Variants in PTPN13 observed in about 807,000 individuals in gnomAD.
The protein encoded by PTPN13 is protein tyrosine phosphatase non-receptor type 13, also known as tyrosine-protein phosphatase non-receptor type 13.
A neutral mutation model predicts 284.0 loss-of-function variants in PTPN13; 191 were observed. The ratio of observed to expected loss-of-function variants is 0.67; its 90% CI spans 0.60 to 0.76. PTPN13 has a LOEUF of 0.76. Ranked by LOEUF, PTPN13 falls within the 30% of genes least tolerant of loss-of-function variation. The pLI is 0.00. For synonymous variants in PTPN13, 986 were observed against 1,022.3 expected (o/e 0.96, Z 0.68); for missense variants, 2,797 against 2,939.9 (o/e 0.95, Z 1.12).
chr4:86,761,716 A>C (rs900850631), intron 23 of PTPN13, among the ~76,000 whole-genome samples: 1 of 152,174 alleles, frequency 6.6e-6, no homozygotes, highest in Non-Finnish European at 1.5e-5. Context: ...TTTCCAGTCT[A>C]CATATCCCTT....
At chr4:86,754,393 A>T (rs1737743308) in intron 20 of PTPN13, among the ~76,000 whole-genome samples, 2 of 152,190 alleles carry the variant, frequency 1.3e-5, no homozygotes, top group Non-Finnish European at 2.9e-5. Flanking sequence ...ATTGACTAAC[A>T]GTTATTTAGT....
At chr4:86,668,114 T>A (rs1297853111) in intron 2 of PTPN13, among the ~76,000 whole-genome samples, 7 of 152,208 alleles carry the variant, frequency 4.6e-5, no homozygotes, top group Non-Finnish European at 1.0e-4. Flanking sequence ...TTCTGTGGAA[T>A]GTTGGTAAAA....
At chr4:86,780,317 T>C in intron 35 of PTPN13, 85 bp from the exon 36 acceptor site, 1 of 1,124,642 alleles carries the variant, frequency 8.9e-7, no homozygotes, top group Non-Finnish European at 1.3e-6. Flanking sequence ...GGAGCATTGC[T>C]TGAGGCCAGG....
At chr4:86,722,870 T>G in intron 10 of PTPN13, among the ~76,000 whole-genome samples, 1 of 152,202 alleles carries the variant, frequency 6.6e-6, no homozygotes, top group East Asian at 1.9e-4. Context: ...TCTCAGAATT[T>G]TAGTAATAAT....
intron 46 of PTPN13, 29 bp from the exon 47 acceptor site, chr4:86,811,017 T>A: frequency 6.3e-7 from 1 of 1,598,028 alleles, no homozygotes; most frequent in Non-Finnish European, 8.6e-7. Flanking sequence ...ATCCTTTGAA[T>A]CTAACACATA....
At position 86,769,953 on chromosome 4, in the gene PTPN13, T is replaced by C; in HGVS notation, c.4674T>C (p.Asn1558=). The C allele has an allele frequency of 6.2e-7, 1 of 1,613,974 alleles. No individual in the cohort carries two copies. The highest frequency in any genetic ancestry group is 8.5e-7 in the Non-Finnish European group (1 of 1,179,882). ...TAGGAGATGTTATCTTGAAAGTGAA[T>C]GGAGCCTCTTTGAAAGGACTATCTC... The part of the protein sequence containing the change: ...IDVGDVILKV[N]GASLKGLSQQ... The change falls in exon 29 of 48, where the codon AAT becomes AAC. Residue 1558 remains asparagine, a synonymous_variant. Transcript: ENST00000411767.
Position 86,771,668 on chromosome 4 carries a change from T to C in PTPN13, c.5168+133T>C, listed in dbSNP as rs1391207434. The C allele has an allele frequency of 3.5e-5, 34 of 982,396 alleles. No individual in the cohort carries two copies. The East Asian group carries it at 8.2e-4, about 24-fold the overall frequency. The allele number at this position is 982,396 out of a possible 1,614,324, so 60.9% of individuals were successfully genotyped here. On this transcript the variant is annotated intron_variant, in intron 31 of 47. Coordinates refer to ENST00000411767, the MANE Select transcript of PTPN13 (RefSeq NM_080683.3). ...ACAGTGGTTAGGCAGAGGATGACTC[T>C]ATTGGATGTCTAGCTATTGTGACTG...
At chr4:86,796,772 A>T (rs2149353430) in intron 40 of PTPN13, 102 bp from the exon 41 acceptor site, 2 of 735,410 alleles carry the variant, frequency 2.7e-6, no homozygotes, top group South Asian at 3.7e-5. Context: ...TATAAGGATG[A>T]ACAATAACAG....
chr4:86,764,839 C>T (rs903531094), intron 25 of PTPN13, 115 bp downstream of exon 25: 63 of 1,172,766 alleles, frequency 5.4e-5, no homozygotes, highest in Non-Finnish European at 6.9e-5. Context: ...CAAATACCTC[C>T]AAAATTCTAA....
At position 86,814,499 on chromosome 4, in the gene PTPN13, C is replaced by T. The variant is rs557596070; in HGVS notation, c.7406C>T (p.Thr2469Ile). Residue 2469 changes from threonine (T) to isoleucine (I), a missense_variant, in exon 48 of 48, where the codon ACA becomes ATA. By Grantham distance (89) the Thr-to-Ile change is moderately conservative. Transcript: ENST00000411767. ...FCYQVILYVL[T>I]RLQAEEEQKQ... Reference sequence around the variant, plus strand: ...TATCAAGTCATCCTTTATGTCCTGACACGTCTTCAAGCAGAAGAAGAGCAA... The same window carrying T: ...TATCAAGTCATCCTTTATGTCCTGATACGTCTTCAAGCAGAAGAAGAGCAA... 34 of 1,612,812 alleles carry T rather than the reference C, an allele frequency of 2.1e-5. No individual in the cohort carries two copies. The East Asian group carries it at 6.7e-4, about 32-fold the overall frequency.
intron 2 of PTPN13, among the ~76,000 whole-genome samples, chr4:86,664,405 G>C (rs868471989): frequency 1.3e-5 from 2 of 152,074 alleles, no homozygotes; most frequent in African/African-American, 4.8e-5. Context: ...CAAAATTTTT[G>C]TGTGTGTGTG....
chr4:86,776,134 C>CGG (rs1554340915), intron 35 of PTPN13, among the ~76,000 whole-genome samples: 2 of 152,056 alleles, frequency 1.3e-5, no homozygotes, highest in Non-Finnish European at 1.5e-5. Flanking sequence ...TTAATAGAGA[C>CGG]GGGGTTTCAC....
intron 20 of PTPN13, among the ~76,000 whole-genome samples, 154 bp from the exon 21 acceptor site, chr4:86,758,106 A>G (rs1249888680): frequency 6.6e-6 from 1 of 152,250 alleles, no homozygotes; most frequent in Admixed American, 6.5e-5. Flanking sequence ...CACTATAAAA[A>G]TATAAAATGT....
intron 1 of PTPN13, among the ~76,000 whole-genome samples, chr4:86,625,195 G>A (rs1193213722): frequency 6.6e-6 from 1 of 152,022 alleles, no homozygotes; most frequent in Non-Finnish European, 1.5e-5. Context: ...GAACTTTCAT[G>A]ATCTGACTGG....
Position 86,722,066 on chromosome 4 carries a change from T to C in PTPN13, c.1386-146T>C, listed in dbSNP as rs1733730407. On this transcript the variant is annotated intron_variant, in intron 9 of 47. Coordinates refer to ENST00000411767, the MANE Select transcript of PTPN13 (RefSeq NM_080683.3). The stretch of plus-strand genomic sequence containing the variant: ...CCAGCCTATATATTTCTTCATACCA[T>C]ACTGTGTAATGTAAAGATTCTTCTG... The C allele has an allele frequency of 5.9e-6, 4 of 676,084 alleles. No individual in the cohort carries two copies. The South Asian group carries it at 7.6e-5, about 13-fold the overall frequency. 41.9% of individuals were successfully genotyped at this position (676,084 alleles called of 1,614,324 possible).
intron 2 of PTPN13, among the ~76,000 whole-genome samples, chr4:86,645,261 C>T (rs906174550): frequency 3.3e-5 from 5 of 152,074 alleles, no homozygotes; most frequent in South Asian, 2.1e-4. Context: ...AACCTAATAA[C>T]GGGTATCTAC....
chr4:86,626,049 T>C (rs766714283), intron 1 of PTPN13, among the ~76,000 whole-genome samples: 1 of 152,140 alleles, frequency 6.6e-6, no homozygotes, highest in Non-Finnish European at 1.5e-5. Flanking sequence ...ATTCTACCAT[T>C]GCATTGTTTT....
At chr4:86,713,755 C>T (rs1732691915) in intron 7 of PTPN13, among the ~76,000 whole-genome samples, 1 of 152,086 alleles carries the variant, frequency 6.6e-6, no homozygotes, top group South Asian at 2.1e-4. Context: ...TTATTTAAAG[C>T]TTTGTCTCAA....
chr4:86,801,442 G>A (rs566339673), intron 42 of PTPN13, among the ~76,000 whole-genome samples: 3 of 152,088 alleles, frequency 2.0e-5, no homozygotes, highest in African/African-American at 7.2e-5. Flanking sequence ...TTTTTGGGGG[G>A]TGAGGGGGCA....
Sources: allele counts gnomAD v4.1 joint callset (sites outside exome capture counted in the v4.1 genomes callset), GRCh38; gene constraint gnomAD v4.1.1; transcripts MANE v1.5; gene names NCBI Gene and HGNC (gene_info 2026-07-23, HGNC 2026-07-21).